The following KIAA1549 variants were observed in gnomAD, a reference collection of about 807,000 sequenced individuals.
KIAA1549 encodes UPF0606 protein KIAA1549.
In KIAA1549, 70 loss-of-function variants were observed where a neutral mutation model predicts 156.4. That is an observed-to-expected ratio of 0.45 (90% CI 0.37 to 0.55). The LOEUF is 0.55. Ranked by LOEUF, KIAA1549 falls within the 20% of genes least tolerant of loss-of-function variation. The pLI, the probability that KIAA1549 is intolerant of heterozygous loss-of-function variation, is 0.00. For missense variants in KIAA1549, 2,428 were observed against 2,540.9 expected (o/e 0.96, Z 0.96); for synonymous variants, 1,103 against 1,066.4 (o/e 1.03, Z -0.67).
rs762927211 is a variant in KIAA1549, at chr7:138,916,902, G to A, written c.2724C>T (p.Ser908=). The change falls in exon 2 of 20, where the codon AGC becomes AGT. Residue 908 remains serine, a synonymous_variant. Transcript: ENST00000422774. ...GAGGAGCAGCACTACTCTCTGGGGG[G>A]CTCTGACTTGCGGCGTCACCCATCA... ...STLMGDAASQ[S]PPESSAAPPL... 3 of 1,613,424 alleles carry A rather than the reference G, an allele frequency of 1.9e-6. No individual in the cohort carries two copies. The African/African-American group carries it at 4.0e-5, about 22-fold the overall frequency.
At chr7:138,892,985 C>T (rs1232849887) in intron 10 of KIAA1549, among the ~76,000 whole-genome samples, 2 of 152,196 alleles carry the variant, frequency 1.3e-5, no homozygotes, top group East Asian at 3.8e-4. Context: ...GACTGACTAC[C>T]ACGTTCCACT....
intron 12 of KIAA1549, among the ~76,000 whole-genome samples, chr7:138,874,492 C>T (rs1563058398): frequency 6.6e-6 from 1 of 152,120 alleles, no homozygotes; most frequent in Non-Finnish European, 1.5e-5. Flanking sequence ...ATCATTTAGC[C>T]ACAAGAAAGA....
At position 138,903,814 on chromosome 7, in the gene KIAA1549, T is replaced by TGCGCGCAC; in HGVS notation, c.3521-79_3521-78insGTGCGCGC. 2 of 242,122 alleles carry TGCGCGCAC rather than the reference T, an allele frequency of 8.3e-6. 1 individual carries two copies. The highest frequency in any genetic ancestry group is 1.4e-5 in the Non-Finnish European group (2 of 145,046). The allele number at this position is 242,122 out of a possible 1,614,324, so 15.0% of individuals were successfully genotyped here. On this transcript the variant is annotated intron_variant, in intron 7 of 19. Transcript: ENST00000422774. ...AACAGTGTGTGTGTGTGTGTGTGTG[T>TGCGCGCAC]GTGTGTGTGTGTGTGTGTGTGTGTG...
intron 1 of KIAA1549, among the ~76,000 whole-genome samples, chr7:138,950,607 C>A (rs1304733573): frequency 6.6e-6 from 1 of 152,230 alleles, no homozygotes; most frequent in African/African-American, 2.4e-5. Context: ...ATGCTCAGGG[C>A]AACCCTCACA....
At position 138,879,706 on chromosome 7, in the gene KIAA1549, A is replaced by C. The variant is rs548076819; in HGVS notation, c.4230-53T>G. The C allele has an allele frequency of 3.5e-5, 41 of 1,184,520 alleles. No individual in the cohort carries two copies. In the East Asian group the frequency reaches 7.7e-4, roughly 22 times the overall value. The allele number at this position is 1,184,520 out of a possible 1,614,324, so 73.4% of individuals were successfully genotyped here. On this transcript the variant is annotated intron_variant, in intron 11 of 19. Coordinates refer to ENST00000422774, the MANE Select transcript of KIAA1549 (RefSeq NM_001164665.2). ...TTAGAAACAAGAAAGAATGAAAAGG[A>C]AAAAGTCCCATTAATTTGTGTGTGG...
rs144764234 is a variant in KIAA1549, at chr7:138,917,930, G to C, written c.1696C>G (p.Leu566Val). Reference protein sequence around the residue: ...AFFSVITSILLDSSFSVIANK... With the variant: ...AFFSVITSILVDSSFSVIANK... ...GCTATGACAGAGAAAGATGAGTCAA[G>C]GAGAATGCTGGTGATGACCGAGAAA... The change falls in exon 2 of 20, where the codon CTT becomes GTT. Residue 566 changes from leucine to valine, a missense_variant. By Grantham distance (32) the Leu-to-Val change is conservative (BLOSUM62 1). Coordinates refer to ENST00000422774, the MANE Select transcript of KIAA1549 (RefSeq NM_001164665.2). 41 of 1,596,326 alleles carry C rather than the reference G, an allele frequency of 2.6e-5. No homozygotes were observed. Among genetic ancestry groups the C allele is most frequent in the Admixed American group, 7.1e-5 (4 of 56,722 alleles).
intron 1 of KIAA1549, among the ~76,000 whole-genome samples, chr7:138,966,932 C>T (rs1398810444): frequency 6.6e-6 from 1 of 152,100 alleles, no homozygotes; most frequent in Non-Finnish European, 1.5e-5. Context: ...GTAAGCCACT[C>T]AGTGTGTGGT....
rs146138791 is a variant in KIAA1549 at position 138,897,996 on chromosome 7, T to C, written c.3847+959A>G. 2.0e-5 allele frequency among the ~76,000 whole-genome samples: 3 copies of C among 150,450 alleles called. No homozygotes were observed. The East Asian group carries it at 5.9e-4, about 29-fold the overall frequency. On this transcript the variant is annotated intron_variant, in intron 9 of 19. Coordinates refer to ENST00000422774, the MANE Select transcript of KIAA1549 (RefSeq NM_001164665.2). ...TTCCATGTGCCTCCTTTTTCTTCAA[T>C]TTTAAATACTCAAAATCTGTGAGGT...
intron 18 of KIAA1549, among the ~76,000 whole-genome samples, chr7:138,843,617 G>A (rs1217058956): frequency 1.3e-5 from 2 of 152,028 alleles, no homozygotes; most frequent in African/African-American, 4.8e-5. Context: ...TATCAAACAT[G>A]TATAATTTCT....
intron 19 of KIAA1549, among the ~76,000 whole-genome samples, chr7:138,838,853 TG>T (rs1446516939): frequency 2.0e-5 from 3 of 152,112 alleles, no homozygotes; most frequent in African/African-American, 7.2e-5. Flanking sequence ...TGTTCCAAAG[TG>T]GATGTGACAG....
chr7:138,919,581 C>T (rs1734307439), intron 1 of KIAA1549, 143 bp from the exon 2 acceptor site: 1 of 1,379,992 alleles, frequency 7.2e-7, no homozygotes, highest in Middle Eastern at 1.9e-4. Flanking sequence ...AGTTAAACAG[C>T]TAGCTGGAAA....
chr7:138,919,834 G>A (rs112782976), intron 1 of KIAA1549, among the ~76,000 whole-genome samples: 3,769 of 152,180 alleles, frequency 0.025, 72 homozygotes, highest in Admixed American at 0.045. Flanking sequence ...CAGACAGAGT[G>A]GAACTGGAAT....
At chr7:138,839,884 T>C (rs910786732) in intron 19 of KIAA1549, among the ~76,000 whole-genome samples, 2 of 142,202 alleles carry the variant, frequency 1.4e-5, no homozygotes, top group African/African-American at 2.6e-5. Flanking sequence ...ATCTCCCGGG[T>C]TCAAGTGATT....
At chr7:138,930,350 C>T (rs150521966) in intron 1 of KIAA1549, among the ~76,000 whole-genome samples, 21 of 152,294 alleles carry the variant, frequency 1.4e-4, no homozygotes, top group African/African-American at 4.8e-4. Context: ...AAGTCACTAG[C>T]TTCATTGGCC....
intron 1 of KIAA1549, among the ~76,000 whole-genome samples, chr7:138,964,953 CTTT>C (rs1813972075): frequency 6.9e-6 from 1 of 145,860 alleles, no homozygotes; most frequent in Non-Finnish European, 1.5e-5. Flanking sequence ...TGTTTTTTTT[CTTT>C]GTTTTTTTTT....
intron 14 of KIAA1549, 64 bp downstream of exon 14, chr7:138,869,474 T>C: frequency 1.5e-6 from 2 of 1,297,930 alleles, no homozygotes; most frequent in Non-Finnish European, 2.2e-6. Flanking sequence ...CCTGTCCTGC[T>C]CCTGTGCCCC....
At chr7:138,965,706 G>A (rs926685886) in intron 1 of KIAA1549, among the ~76,000 whole-genome samples, 5 of 152,184 alleles carry the variant, frequency 3.3e-5, no homozygotes, top group African/African-American at 4.8e-5. Flanking sequence ...CTGTGTATGC[G>A]CCTGTACATG....
Position 138,834,133 on chromosome 7 carries a change from G to A in KIAA1549, c.*3773C>T, listed in dbSNP as rs1809632037. ...ATTTCCAAACATGCAACTTCTTCTG[G>A]GTGCCTAATTCATTTATGTCTTTTG... On this transcript the variant is annotated 3_prime_UTR_variant, in exon 20 of 20. Transcript: ENST00000422774. 9.3e-6 allele frequency: 2 copies of A among 214,258 alleles called. No individual in the cohort carries two copies. Among genetic ancestry groups the A allele is most frequent in the Non-Finnish European group, 1.9e-5 (2 of 106,076 alleles). 13.3% of individuals were successfully genotyped at this position (214,258 alleles called of 1,614,324 possible).
chr7:138,933,262 G>C (rs960677566), intron 1 of KIAA1549, among the ~76,000 whole-genome samples: 1 of 152,210 alleles, frequency 6.6e-6, no homozygotes, highest in African/African-American at 2.4e-5. Flanking sequence ...AATCACCGAG[G>C]AGCTGGTTAA....
Sources: allele counts gnomAD v4.1 joint callset (sites outside exome capture counted in the v4.1 genomes callset), GRCh38; gene constraint gnomAD v4.1.1; transcripts MANE v1.5; gene names NCBI Gene and HGNC (gene_info 2026-07-23, HGNC 2026-07-21).